The following CDIN1 variants were observed in gnomAD, a reference collection of about 807,000 sequenced individuals.
CDIN1 encodes the protein CDAN1-interacting nuclease 1.
In CDIN1, 33 loss-of-function variants were observed where a neutral mutation model predicts 45.3. That is an observed-to-expected ratio of 0.73 (90% CI 0.55 to 0.97). The LOEUF (loss-of-function observed/expected upper bound fraction) is 0.97. CDIN1 is among the 50% of genes least tolerant of loss of function. CDIN1 has a pLI of 0.00. For missense variants in CDIN1, 303 were observed against 339.4 expected, an observed-to-expected ratio of 0.89 and a Z score of 0.84; for synonymous variants, 118 against 124.4, an observed-to-expected ratio of 0.95 and a Z score of 0.34.
chr15:36,671,731 G>A (rs1595450820), intron 5 of CDIN1, among the ~76,000 whole-genome samples: 1 of 152,200 alleles, frequency 6.6e-6, no homozygotes, highest in East Asian at 1.9e-4. Context: ...CACCGATTTT[G>A]AAAGATTTTA....
Position 36,671,756 on chromosome 15 carries a change from GT to G in CDIN1, c.346+13857del, listed in dbSNP as rs1251718064. 5.3e-5 allele frequency among the ~76,000 whole-genome samples: 8 copies of G among 152,224 alleles called. No individual in the cohort carries two copies. The East Asian group carries it at 9.7e-4, about 18-fold the overall frequency. On this transcript the variant is annotated intron_variant, in intron 5 of 10. Transcript: ENST00000566621. ...GAAAGATTTTATTGTTAATGTTGAT[GT>G]TTTTTAGGTACTGTTCCTCTTACAA...
chr15:36,619,020 C>A, intron 1 of CDIN1: 2 of 1,447,668 alleles, frequency 1.4e-6, no homozygotes, highest in South Asian at 1.3e-5. Context: ...GGGAACTTCG[C>A]TCCAATGTAG....
chr15:36,601,383 G>C (rs1433825846), intron 1 of CDIN1, among the ~76,000 whole-genome samples: 1 of 152,184 alleles, frequency 6.6e-6, no homozygotes, highest in Non-Finnish European at 1.5e-5. Context: ...ACATGATTCA[G>C]ATGGAGACTA....
intron 10 of CDIN1, among the ~76,000 whole-genome samples, chr15:36,807,257 C>CA (rs2055260214): frequency 6.6e-6 from 1 of 152,110 alleles, no homozygotes; most frequent in Non-Finnish European, 1.5e-5. Context: ...TCATGGAAGG[C>CA]AAAAGCTTTT....
intron 1 of CDIN1, among the ~76,000 whole-genome samples, chr15:36,601,967 A>AT (rs1281275728): frequency 9.2e-5 from 14 of 151,820 alleles, no homozygotes; most frequent in East Asian, 7.7e-4. Context: ...GCAGCTCTCA[A>AT]TTTTTTTTTG....
intron 10 of CDIN1, among the ~76,000 whole-genome samples, chr15:36,759,412 C>T (rs777675810): frequency 2.7e-4 from 41 of 152,082 alleles, no homozygotes; most frequent in Non-Finnish European, 5.3e-4. Context: ...GCATCAGCCC[C>T]ACTTTGGAGA....
Position 36,751,229 on chromosome 15 carries a change from T to TATATATATATATATATATATA in CDIN1, c.716+41268_716+41269insATATATATATATATATATATA, listed in dbSNP as rs1555404178. On this transcript the variant is annotated intron_variant, in intron 10 of 10. Coordinates refer to ENST00000566621, the MANE Select transcript of CDIN1 (RefSeq NM_001321759.2). ...ATAAAAGCATATATATATGCTTATT[T>TATATATATATATATATATATA]TATATATATATATATATATATATAT... is the stretch of plus-strand genomic sequence containing the variant. 3.3e-4 allele frequency among the ~76,000 whole-genome samples: 32 copies of TATATATATATATATATATATA among 97,564 alleles called. 2 individuals carry two copies. The highest frequency in any genetic ancestry group is 1.0e-3 in the East Asian group (2 of 1,976). The allele number at this position is 97,564 out of a possible 152,430, so 64.0% of individuals were successfully genotyped here. A position where few individuals can be genotyped will look rare whatever the true frequency, so the allele number is the denominator to read the frequency against.
At chr15:36,614,332 C>T (rs7168351) in intron 1 of CDIN1, 3 of 548,390 alleles carry the variant, frequency 5.5e-6, no homozygotes, top group South Asian at 3.0e-5. Flanking sequence ...TTCGCCACCC[C>T]CTTCTCCCCT....
At position 36,808,366 on chromosome 15, in the gene CDIN1, G is replaced by A. The variant is rs1223637605; in HGVS notation, c.759G>A (p.Gln253=). The A allele has an allele frequency of 2.5e-6, 4 of 1,613,606 alleles. No homozygotes were observed. Among genetic ancestry groups the A allele is most frequent in the Middle Eastern group, 1.7e-4 (1 of 6,060 alleles). Residue 253 remains glutamine, a synonymous_variant, in exon 11 of 11, where the codon CAG becomes CAA. Coordinates refer to ENST00000566621, the MANE Select transcript of CDIN1 (RefSeq NM_001321759.2). ...GLVIYWYGFI[Q]ELDCNRERGI... is the part of the protein sequence containing the mutation. Reference sequence around the variant, plus strand: ...TCATCTATTGGTATGGATTTATCCAGGAGCTGGACTGCAACCGGGAAAGGG... The same window carrying A: ...TCATCTATTGGTATGGATTTATCCAAGAGCTGGACTGCAACCGGGAAAGGG...
intron 1 of CDIN1, among the ~76,000 whole-genome samples, chr15:36,629,365 T>C (rs1359368918): frequency 6.6e-6 from 1 of 152,210 alleles, no homozygotes; most frequent in African/African-American, 2.4e-5. Flanking sequence ...ACTGATCATC[T>C]TTTTAGCACT....
intron 10 of CDIN1, among the ~76,000 whole-genome samples, chr15:36,719,334 T>G (rs950412085): frequency 3.3e-5 from 5 of 152,182 alleles, no homozygotes; most frequent in African/African-American, 1.2e-4. Context: ...TATCAAAAAT[T>G]GGTGTTGGAT....
intron 10 of CDIN1, among the ~76,000 whole-genome samples, chr15:36,734,531 T>C (rs936033181): frequency 1.3e-5 from 2 of 152,142 alleles, no homozygotes; most frequent in Non-Finnish European, 2.9e-5. Flanking sequence ...TGTTTATAAA[T>C]AACCCAAGTT....
chr15:36,799,177 C>T (rs1014806381), intron 10 of CDIN1: 3 of 152,176 alleles, frequency 2.0e-5, no homozygotes, highest in Non-Finnish European at 4.4e-5. Flanking sequence ...AATTCCAGAT[C>T]GATGGACATG....
intron 10 of CDIN1, among the ~76,000 whole-genome samples, chr15:36,780,244 G>A (rs1342579428): frequency 6.6e-6 from 1 of 152,122 alleles, no homozygotes; most frequent in Non-Finnish European, 1.5e-5. Context: ...GAACTGGAAG[G>A]GACCTCAGCC....
chr15:36,602,345 G>A (rs1020390745), intron 1 of CDIN1, among the ~76,000 whole-genome samples: 14 of 152,110 alleles, frequency 9.2e-5, no homozygotes, highest in African/African-American at 2.9e-4. Flanking sequence ...TTCCTACTGC[G>A]GACACATTGT....
chr15:36,619,326 C>A, intron 1 of CDIN1: 1 of 613,216 alleles, frequency 1.6e-6, no homozygotes, highest in Admixed American at 3.5e-5. Flanking sequence ...TGAGCTGTAG[C>A]TATATTGAAC....
chr15:36,698,638 C>T (rs970097209), intron 8 of CDIN1, among the ~76,000 whole-genome samples: 5 of 152,210 alleles, frequency 3.3e-5, no homozygotes, highest in East Asian at 1.9e-4. Flanking sequence ...GTGAAACATC[C>T]GATCACATTG....
intron 8 of CDIN1, chr15:36,702,160 A>G (rs2042669270): frequency 4.3e-6 from 3 of 701,716 alleles, no homozygotes; most frequent in South Asian, 1.5e-5. Context: ...TGGGTATTTC[A>G]TAAGGAATCC....
intron 10 of CDIN1, among the ~76,000 whole-genome samples, chr15:36,720,273 TTTA>T (rs869077370): frequency 1.5e-5 from 2 of 134,336 alleles, no homozygotes; most frequent in Non-Finnish European, 3.2e-5. Flanking sequence ...TATTTATTTA[TTTA>T]TTATTATTTT....
Sources: gnomAD v4.1 joint callset for allele counts (sites outside exome capture counted in the v4.1 genomes callset) on GRCh38, gnomAD v4.1.1 for gene constraint, MANE v1.5 for transcripts, NCBI Gene and HGNC (gene_info 2026-07-23, HGNC 2026-07-21) for gene names.